The following ITPR1 variants were observed in gnomAD, a reference collection of about 807,000 sequenced individuals.
ITPR1 encodes the protein inositol 1,4,5-trisphosphate receptor type 1.
In ITPR1, 96 loss-of-function variants were observed where a neutral mutation model predicts 318.4. The ratio of observed to expected loss-of-function variants is 0.30; its 90% CI spans 0.26 to 0.36. The LOEUF is 0.36. ITPR1 is among the 10% of genes least tolerant of loss of function. ITPR1 has a pLI of 1.00. For synonymous variants in ITPR1, 1,312 were observed against 1,289.9 expected (o/e 1.02, Z -0.37); for missense variants, 2,440 against 3,460.2 (o/e 0.71, Z 7.40).
chr3:4,787,537 G>GAAAAA (rs34822261), intron 51 of ITPR1, among the ~76,000 whole-genome samples: 3 of 130,380 alleles, frequency 2.3e-5, no homozygotes, highest in African/African-American at 8.8e-5. Context: ...AATACTGGAG[G>GAAAAA]AAAAAAAAAA....
Position 4,768,833 on chromosome 3 carries a change from G to A in ITPR1, c.5979+69G>A, listed in dbSNP as rs1038571663. On this transcript the variant is annotated intron_variant, in intron 46 of 61. Transcript: ENST00000649015. ...CTGCCAAGGCCTGCCTTCCTCTGAT[G>A]GTTCAGCACCTCTCACTTGGGCCAG... The A allele has an allele frequency of 8.9e-6, 13 of 1,462,058 alleles. No individual in the cohort carries two copies. In the Admixed American group the frequency reaches 1.6e-4, roughly 18 times the overall value. The allele number at this position is 1,462,058 out of a possible 1,614,324, so 90.6% of individuals were successfully genotyped here. A position where few individuals can be genotyped will look rare whatever the true frequency, so the allele number is the denominator to read the frequency against.
chr3:4,814,943 A>C, intron 58 of ITPR1, 110 bp from the exon 59 acceptor site: 6 of 909,502 alleles, frequency 6.6e-6, no homozygotes, highest in South Asian at 1.8e-5. Context: ...TTGAATGCCC[A>C]ATTTAATTTC....
chr3:4,689,315 ACACT>A (rs10578255), intron 31 of ITPR1, among the ~76,000 whole-genome samples: 65,061 of 151,804 alleles, frequency 0.43, 15,291 homozygotes, highest in Non-Finnish European at 0.55. Flanking sequence ...GTGCATGCAC[ACACT>A]CACTCACTCA....
intron 4 of ITPR1, among the ~76,000 whole-genome samples, chr3:4,530,475 C>G (rs2083324176): frequency 6.6e-6 from 1 of 152,190 alleles, no homozygotes; most frequent in Non-Finnish European, 1.5e-5. Flanking sequence ...CTACCTGAGC[C>G]TGTTACTCTT....
At chr3:4,639,250 C>G (rs2093278729) in intron 5 of ITPR1, 134 bp from the exon 6 acceptor site, 1 of 674,610 alleles carries the variant, frequency 1.5e-6, no homozygotes. Flanking sequence ...TTCTTGAAGC[C>G]TCAGGGTGTG....
In ITPR1 at chr3:4,811,363, G is replaced by C. The variant is rs1363769398; in HGVS notation, c.7371G>C (p.Leu2457=). 6.2e-7 allele frequency: 1 copy of C among 1,613,932 alleles called. No individual in the cohort carries two copies. The highest frequency in any genetic ancestry group is 2.2e-5 in the East Asian group (1 of 44,884). ...TCATCCTGACAGCAGTTCTGGCTCTGATCCTCGTTTACCTGTTCTCAATAG... is the reference window on the plus strand; with the variant it reads ...TCATCCTGACAGCAGTTCTGGCTCTCATCCTCGTTTACCTGTTCTCAATAG... ...RSIILTAVLA[L]ILVYLFSIVG... Residue 2457 remains leucine, a synonymous_variant, in exon 56 of 62, where the codon CTG becomes CTC. Transcript: ENST00000649015.
At chr3:4,562,053 C>T (rs1025280574) in intron 4 of ITPR1, among the ~76,000 whole-genome samples, 3 of 151,128 alleles carry the variant, frequency 2.0e-5, no homozygotes, top group Non-Finnish European at 4.4e-5. Context: ...TGTCTTAGGC[C>T]ACACAGAAAA....
chr3:4,769,731 C>T (rs2046065732), intron 46 of ITPR1, among the ~76,000 whole-genome samples: 1 of 152,140 alleles, frequency 6.6e-6, no homozygotes, highest in Admixed American at 6.5e-5. Context: ...GGACTTGAAC[C>T]CAGGTAGTCT....
intron 20 of ITPR1, 35 bp downstream of exon 20, chr3:4,670,961 G>T (rs1341596407): frequency 1.5e-5 from 22 of 1,432,282 alleles, no homozygotes; most frequent in Admixed American, 2.6e-5. Flanking sequence ...AGATTGGGGT[G>T]CCCCAAAACA....
chr3:4,514,587 G>T lies in ITPR1; in HGVS notation c.-16-1889G>T, dbSNP rs114758902. Reference sequence around the variant, plus strand: ...CTTATCTGAAGGGTGATCCTGAAAGGAGAGCCTTAGTCACACTGGACAAGG... The same window carrying T: ...CTTATCTGAAGGGTGATCCTGAAAGTAGAGCCTTAGTCACACTGGACAAGG... On this transcript the variant is annotated intron_variant, in intron 2 of 61. Coordinates refer to ENST00000649015, the MANE Select transcript of ITPR1 (RefSeq NM_001378452.1). Among the ~76,000 whole-genome samples the T allele has an allele frequency of 7.5e-3, 1,143 of 152,260 alleles. 14 individuals are homozygous for T. Among genetic ancestry groups the T allele is most frequent in the African/African-American group, 0.026 (1,090 of 41,542 alleles).
chr3:4,613,505 T>C (rs963902950), intron 4 of ITPR1, among the ~76,000 whole-genome samples: 1 of 152,156 alleles, frequency 6.6e-6, no homozygotes, highest in Non-Finnish European at 1.5e-5. Context: ...GCACTTGTCC[T>C]TGGGCCAGGG....
chr3:4,797,115 A>G (rs1269893366), intron 53 of ITPR1, among the ~76,000 whole-genome samples: 2 of 151,894 alleles, frequency 1.3e-5, no homozygotes, highest in Admixed American at 1.3e-4. Context: ...GACTAAACTG[A>G]GAGCATAATT....
Position 4,718,222 on chromosome 3 carries a change from T to C in ITPR1, c.5136+823T>C, listed in dbSNP as rs931581032. ...ACCAGAAAATTTTAATTTGAGGAAT[T>C]CATGTACATAATTGAGAGGGTTTCA... On this transcript the variant is annotated intron_variant, in intron 40 of 61. Coordinates refer to ENST00000649015, the MANE Select transcript of ITPR1 (RefSeq NM_001378452.1). Among the ~76,000 whole-genome samples, 5 of 152,354 alleles carry C rather than the reference T, an allele frequency of 3.3e-5. No individual in the cohort carries two copies. The South Asian group carries it at 6.2e-4, about 19-fold the overall frequency.
rs367786561 is a variant in ITPR1, at chr3:4,608,877, C to T, written c.164-18886C>T. On this transcript the variant is annotated intron_variant, in intron 4 of 61. Coordinates refer to ENST00000649015, the MANE Select transcript of ITPR1 (RefSeq NM_001378452.1). ...ATTAGCCTGGTGTGGTGGCACACGC[C>T]GGTAATCCCAGCTACTTGGGAGGCT... Among the ~76,000 whole-genome samples the T allele has an allele frequency of 2.2e-4, 33 of 151,054 alleles. No individual in the cohort carries two copies. The East Asian group carries it at 2.5e-3, about 12-fold the overall frequency.
At chr3:4,761,997 A>C (rs1461594295) in intron 44 of ITPR1, among the ~76,000 whole-genome samples, 1 of 152,134 alleles carries the variant, frequency 6.6e-6, no homozygotes, top group East Asian at 1.9e-4. Flanking sequence ...CAATTCCAGA[A>C]GGCCCTCCCT....
chr3:4,590,215 C>T (rs939553845), intron 4 of ITPR1, among the ~76,000 whole-genome samples: 21 of 125,148 alleles, frequency 1.7e-4, no homozygotes, highest in South Asian at 1.1e-3. Flanking sequence ...GCAGGTACTA[C>T]TCTCAACACT....
chr3:4,605,064 C>T (rs905899478), intron 4 of ITPR1, among the ~76,000 whole-genome samples: 12 of 152,202 alleles, frequency 7.9e-5, no homozygotes, highest in Admixed American at 6.5e-5. Context: ...CTCCGCCTCC[C>T]AGGCTCAAGC....
rs140248948 is a variant in ITPR1, at chr3:4,673,334, C to A, written c.2403C>A (p.Pro801=). Residue 801 remains proline, a synonymous_variant, in exon 21 of 62, where the codon CCC becomes CCA. Coordinates refer to ENST00000649015, the MANE Select transcript of ITPR1 (RefSeq NM_001378452.1). ...GAGATCCCCAGGAACAAGTCACCCCCGTGAAATATGCCCGCCTCTGGTCGG... is the reference window on the plus strand; with the variant it reads ...GAGATCCCCAGGAACAAGTCACCCCAGTGAAATATGCCCGCCTCTGGTCGG... The part of the protein sequence containing the change: ...VDRDPQEQVT[P]VKYARLWSEI... 1.9e-6 allele frequency: 3 copies of A among 1,613,034 alleles called. No homozygotes were observed. Among genetic ancestry groups the A allele is most frequent in the African/African-American group, 1.3e-5 (1 of 75,028 alleles).
chr3:4,681,102 A>G (rs528313871), intron 25 of ITPR1, among the ~76,000 whole-genome samples: 1 of 152,266 alleles, frequency 6.6e-6, no homozygotes, highest in Admixed American at 6.5e-5. Context: ...AAATAATCCC[A>G]TCTACCAAGC....
Sources: gnomAD v4.1 joint callset for allele counts (sites outside exome capture counted in the v4.1 genomes callset) on GRCh38, gnomAD v4.1.1 for gene constraint, MANE v1.5 for transcripts, NCBI Gene and HGNC (gene_info 2026-07-23, HGNC 2026-07-21) for gene names.